TAS1R3: variants seen among roughly 807,000 people sequenced by gnomAD.
TAS1R3 encodes taste receptor type 1 member 3.
Under a neutral mutation model 46.1 loss-of-function variants are expected in TAS1R3, and 58 were observed. The ratio of observed to expected loss-of-function variants is 1.26; its 90% CI spans 1.02 to 1.57. The LOEUF (loss-of-function observed/expected upper bound fraction) is 1.57, where lower values mean the gene tolerates loss of function less well. Ranked by LOEUF, TAS1R3 falls within the 40% of genes most tolerant of loss-of-function variation. TAS1R3 has a pLI of 0.00. For missense variants in TAS1R3, 1,422 were observed against 1,185.8 expected (o/e 1.20, Z -2.93); for synonymous variants, 724 against 544.7 (o/e 1.33, Z -4.58).
At position 1,334,279 on chromosome 1, in the gene TAS1R3, G is replaced by A. The variant is rs778475973; in HGVS notation, c.2374G>A (p.Ala792Thr). Residue 792 changes from alanine to threonine, a missense_variant, in exon 6 of 6, where the codon GCC (alanine) becomes ACC (threonine). Ala to Thr is a moderately conservative substitution (Grantham distance 58). Coordinates refer to ENST00000339381, the MANE Select transcript of TAS1R3 (RefSeq NM_152228.3). Reference protein sequence around the residue: ...LANVQVVLRPAVQMGALLLCV... With the variant: ...LANVQVVLRPTVQMGALLLCV... Reference sequence around the variant, plus strand: ...CAATGTGCAGGTGGTCCTCAGGCCCGCCGTGCAGATGGGCGCCCTCCTGCT... The same window carrying A: ...CAATGTGCAGGTGGTCCTCAGGCCCACCGTGCAGATGGGCGCCCTCCTGCT... 1.4e-5 allele frequency: 23 copies of A among 1,611,572 alleles called. No homozygotes were observed. Among genetic ancestry groups the A allele is most frequent in the Admixed American group, 5.0e-5 (3 of 59,930 alleles).
In TAS1R3 at chr1:1,331,329, TG is replaced by T. The variant is rs1643420630; in HGVS notation, c.-15del. On this transcript the variant is annotated 5_prime_UTR_variant, in exon 1 of 6. Transcript: ENST00000339381. ...CGGGGCAGCCACCTGCCGTGCCTGT[TG>T]GAAGTTGCCTCTGCCATGCTGGGCC... 3 of 1,555,142 alleles carry T rather than the reference TG, an allele frequency of 1.9e-6. No individual in the cohort carries two copies. The highest frequency in any genetic ancestry group is 1.2e-5 in the South Asian group (1 of 83,754).
Position 1,333,599 on chromosome 1 carries a change from G to A in TAS1R3, c.1694G>A (p.Gly565Asp). 1.2e-6 allele frequency: 2 copies of A among 1,609,264 alleles called. No individual in the cohort carries two copies. Among genetic ancestry groups the A allele is most frequent in the Non-Finnish European group, 1.7e-6 (2 of 1,179,938 alleles). Residue 565 changes from glycine to aspartate, a missense_variant, in exon 6 of 6, where the codon GGC (glycine) becomes GAC (aspartate). Transcript: ENST00000339381. The part of the protein sequence containing the change: ...FRRRSRFLAW[G>D]EPAVLLLLLL... Reference sequence around the variant, plus strand: ...CGCAGGTCTCGGTTCCTGGCATGGGGCGAGCCGGCTGTGCTGCTGCTGCTC... The same window carrying A: ...CGCAGGTCTCGGTTCCTGGCATGGGACGAGCCGGCTGTGCTGCTGCTGCTC...
Position 1,333,782 on chromosome 1 carries a change from G to GCCAGC in TAS1R3, c.1885_1889dup (p.Arg632LeufsTer19), listed in dbSNP as rs756977541. 9 of 1,593,588 alleles carry GCCAGC rather than the reference G, an allele frequency of 5.6e-6. No homozygotes were observed. The African/African-American group carries it at 6.7e-5, about 12-fold the overall frequency. On this transcript the variant is annotated frameshift_variant, in exon 6 of 6. Coordinates refer to ENST00000339381, the MANE Select transcript of TAS1R3 (RefSeq NM_152228.3). LOFTEE classifies it low-confidence loss of function (END_TRUNC). ...TGCCTCAGCGTCCTCCTGTTCCCTG[G>GCCAGC]CCAGCCCAGCCCTGCCCGATGCCTG...
In TAS1R3 at chr1:1,334,509, G is replaced by A. The variant is rs202169338; in HGVS notation, c.*45G>A. 710 of 1,454,894 alleles carry A rather than the reference G, an allele frequency of 4.9e-4. No individual in the cohort carries two copies. The highest frequency in any genetic ancestry group is 5.9e-4 in the East Asian group (24 of 40,936). The allele number at this position is 1,454,894 out of a possible 1,614,324, so 90.1% of individuals were successfully genotyped here. A position where few individuals can be genotyped will look rare whatever the true frequency, so the allele number is the denominator to read the frequency against. On this transcript the variant is annotated 3_prime_UTR_variant, in exon 6 of 6. Transcript: ENST00000339381. Reference sequence around the variant, plus strand: ...CCCCGGTGAACCCAGACTTAGCTGCGATCCCCCCCAAGCCAGCAATGACCC... The same window carrying A: ...CCCCGGTGAACCCAGACTTAGCTGCAATCCCCCCCAAGCCAGCAATGACCC...
Position 1,333,851 on chromosome 1 carries a change from GCA to G in TAS1R3, c.1950_1951del (p.Phe652ProfsTer190), listed in dbSNP as rs780822160. ...CACCTCCCGCTCACGGGCTGCCTGA[GCA>G]CACTCTTCCTGCAGGCGGCCGAGAT... On this transcript the variant is annotated frameshift_variant, in exon 6 of 6. Transcript: ENST00000339381. LOFTEE classifies it low-confidence loss of function (END_TRUNC). 6 of 1,600,638 alleles carry G rather than the reference GCA, an allele frequency of 3.7e-6. No homozygotes were observed. The highest frequency in any genetic ancestry group is 5.1e-6 in the Non-Finnish European group (6 of 1,179,786).
Position 1,332,947 on chromosome 1 carries a change from C to A in TAS1R3, c.1302C>A (p.Thr434=). The A allele has an allele frequency of 1.2e-6, 2 of 1,611,538 alleles. No individual in the cohort carries two copies. The highest frequency in any genetic ancestry group is 1.7e-6 in the Non-Finnish European group (2 of 1,179,058). The change falls in exon 4 of 6, where the codon ACC becomes ACA. Residue 434 remains threonine, a synonymous_variant. Coordinates refer to ENST00000339381, the MANE Select transcript of TAS1R3 (RefSeq NM_152228.3). The part of the protein sequence containing the change: ...WQLLENMYNL[T]FHVGGLPLRF... ...TCCTGGAGAACATGTACAACCTGAC[C>A]TTCCACGTGGGCGGGCTGCCGCTGC...
rs1643458224 is a variant in TAS1R3, at chr1:1,332,712, A to G, written c.1181A>G (p.Tyr394Cys). Residue 394 changes from tyrosine to cysteine, a missense_variant, in exon 3 of 6, where the codon TAC (tyrosine) becomes TGC (cysteine). Coordinates refer to ENST00000339381, the MANE Select transcript of TAS1R3 (RefSeq NM_152228.3). ...AATCACCACCAGACGTTCTCTGTCT[A>G]CGCAGCTGTGTATAGCGTGGCCCAG... is the stretch of plus-strand genomic sequence containing the variant. Reference protein sequence around the residue: ...GLNHHQTFSVYAAVYSVAQAL... With the variant: ...GLNHHQTFSVCAAVYSVAQAL... The G allele has an allele frequency of 1.2e-6, 2 of 1,604,296 alleles. No homozygotes were observed. The highest frequency in any genetic ancestry group is 8.5e-7 in the Non-Finnish European group (1 of 1,179,874).
chr1:1,331,755 C>T lies in TAS1R3; in HGVS notation c.309C>T (p.Cys103=), dbSNP rs753541979. The T allele has an allele frequency of 3.1e-6, 5 of 1,612,802 alleles. No individual in the cohort carries two copies. The African/African-American group carries it at 6.7e-5, about 22-fold the overall frequency. ...TGGGCTACGACCTCTTTGATACGTG[C>T]TCGGAGCCTGTGGTGGCCATGAAGC... ...LRLGYDLFDT[C]SEPVVAMKPS... Residue 103 remains cysteine (C), a synonymous_variant, in exon 2 of 6, where the codon TGC becomes TGT. Coordinates refer to ENST00000339381, the MANE Select transcript of TAS1R3 (RefSeq NM_152228.3).
Position 1,332,298 on chromosome 1 carries a change from TGCA to T in TAS1R3, c.769_771del (p.Gln257del). 1 of 1,593,560 alleles carries T rather than the reference TGCA, an allele frequency of 6.3e-7. No homozygotes were observed. Among genetic ancestry groups the T allele is most frequent in the Non-Finnish European group, 8.5e-7 (1 of 1,172,306 alleles). On this transcript the variant is annotated inframe_deletion, in exon 3 of 6. Coordinates refer to ENST00000339381, the MANE Select transcript of TAS1R3 (RefSeq NM_152228.3). ...GCCGATGACTCGCGGCTGGGGAAGG[TGCA>T]GGACGTCCTGCACCAGGTGAACCAG...
In TAS1R3 at chr1:1,333,142, G is replaced by A. The variant is rs778673106; in HGVS notation, c.1479+18G>A. 3.1e-6 allele frequency: 5 copies of A among 1,605,620 alleles called. No individual in the cohort carries two copies. Among genetic ancestry groups the A allele is most frequent in the East Asian group, 4.5e-5 (2 of 44,660 alleles). On this transcript the variant is annotated intron_variant, in intron 4 of 5. Coordinates refer to ENST00000339381, the MANE Select transcript of TAS1R3 (RefSeq NM_152228.3). The stretch of plus-strand genomic sequence containing the variant: ...ACAACCAGGTGAGGTGAGGGTGGGT[G>A]TGCCAGGCGTGCCCGTGGTAGCCCC...
rs749450511 is a variant in TAS1R3, at chr1:1,332,354, G to C, written c.823G>C (p.Ala275Pro). The C allele has an allele frequency of 2.5e-6, 4 of 1,602,880 alleles. No individual in the cohort carries two copies. Among genetic ancestry groups the C allele is most frequent in the South Asian group, 1.1e-5 (1 of 89,950 alleles). ...CAGCGTGCAGGTGGTGCTGCTGTTCGCCTCCGTGCACGCCGCCCACGCCCT... is the reference window on the plus strand; with the variant it reads ...CAGCGTGCAGGTGGTGCTGCTGTTCCCCTCCGTGCACGCCGCCCACGCCCT... ...QSSVQVVLLFASVHAAHALFN... is the reference protein window; with the variant it reads ...QSSVQVVLLFPSVHAAHALFN... The change falls in exon 3 of 6, where the codon GCC becomes CCC. Residue 275 changes from alanine (A) to proline (P), a missense_variant. Coordinates refer to ENST00000339381, the MANE Select transcript of TAS1R3 (RefSeq NM_152228.3).
rs1490172907 is a variant in TAS1R3, at chr1:1,332,389, C to T, written c.858C>T (p.Tyr286=). The part of the protein sequence containing the change: ...SVHAAHALFN[Y]SISSRLSPKV... ...ACGCCGCCCACGCCCTCTTCAACTA[C>T]AGCATCAGCAGCAGGCTCTCGCCCA... The change falls in exon 3 of 6, where the codon TAC becomes TAT. Residue 286 remains tyrosine (Y), a synonymous_variant. Coordinates refer to ENST00000339381, the MANE Select transcript of TAS1R3 (RefSeq NM_152228.3). The T allele has an allele frequency of 6.2e-7, 1 of 1,602,240 alleles. No individual in the cohort carries two copies. The highest frequency in any genetic ancestry group is 8.5e-7 in the Non-Finnish European group (1 of 1,175,634).
Position 1,331,887 on chromosome 1 carries a change from A to G in TAS1R3, c.441A>G (p.Ser147=). ...TGGCTGTCATCGGGCCCCACTCGTC[A>G]GAGCTCGCCATGGTCACCGGCAAGT... ...RVLAVIGPHS[S]ELAMVTGKFF... is the part of the protein sequence containing the mutation. Residue 147 remains serine, a synonymous_variant, in exon 2 of 6, where the codon TCA becomes TCG. Coordinates refer to ENST00000339381, the MANE Select transcript of TAS1R3 (RefSeq NM_152228.3). The G allele has an allele frequency of 6.2e-7, 1 of 1,612,742 alleles. No individual in the cohort carries two copies. Among genetic ancestry groups the G allele is most frequent in the South Asian group, 1.1e-5 (1 of 91,078 alleles).
rs1643486075 is a variant in TAS1R3 at position 1,333,684 on chromosome 1, T to C, written c.1779T>C (p.His593=). The change falls in exon 6 of 6, where the codon CAT becomes CAC. Residue 593 remains histidine (H), a synonymous_variant. Transcript: ENST00000339381. Reference sequence around the variant, plus strand: ...CTGCTTTGGGGCTGTTCGTTCACCATCGGGACAGCCCACTGGTTCAGGCCT... The same window carrying C: ...CTGCTTTGGGGCTGTTCGTTCACCACCGGGACAGCCCACTGGTTCAGGCCT... The part of the protein sequence containing the change: ...VLAALGLFVH[H]RDSPLVQASG... The C allele has an allele frequency of 6.2e-7, 1 of 1,611,738 alleles. No individual in the cohort carries two copies. The highest frequency in any genetic ancestry group is 8.5e-7 in the Non-Finnish European group (1 of 1,179,842).
rs1365509256 is a variant in TAS1R3, at chr1:1,334,229, G to A, written c.2324G>A (p.Trp775Ter). The change falls in exon 6 of 6, where the codon TGG (tryptophan) becomes TAG (stop). Residue 775 changes from tryptophan (W) to a stop codon, truncating the protein, a stop_gained. Coordinates refer to ENST00000339381, the MANE Select transcript of TAS1R3 (RefSeq NM_152228.3). LOFTEE classifies it low-confidence loss of function (END_TRUNC). The stretch of plus-strand genomic sequence containing the variant: ...GCCATGCTGGCCTACTTCATCACCT[G>A]GGTCTCCTTTGTGCCCCTCCTGGCC... ...TFAMLAYFIT[W>*]VSFVPLLANV... is the part of the protein sequence containing the mutation. 1.2e-6 allele frequency: 2 copies of A among 1,610,522 alleles called. No homozygotes were observed.
chr1:1,332,984 A>G lies in TAS1R3; in HGVS notation c.1339A>G (p.Ser447Gly). 1 of 1,612,704 alleles carries G rather than the reference A, an allele frequency of 6.2e-7. No homozygotes were observed. The highest frequency in any genetic ancestry group is 8.5e-7 in the Non-Finnish European group (1 of 1,179,862). Reference protein sequence around the residue: ...VGGLPLRFDSSGNVDMEYDLK... With the variant: ...VGGLPLRFDSGGNVDMEYDLK... ...CGGGCTGCCGCTGCGGTTCGACAGC[A>G]GCGGAAACGTGGACATGGAGTACGA... is the stretch of plus-strand genomic sequence containing the variant. Residue 447 changes from serine to glycine, a missense_variant, in exon 4 of 6, where the codon AGC becomes GGC. By Grantham distance (56) the Ser-to-Gly change is moderately conservative. Coordinates refer to ENST00000339381, the MANE Select transcript of TAS1R3 (RefSeq NM_152228.3).
At position 1,332,988 on chromosome 1, in the gene TAS1R3, G is replaced by C. The variant is rs755284382; in HGVS notation, c.1343G>C (p.Gly448Ala). The C allele has an allele frequency of 1.7e-5, 28 of 1,612,732 alleles. No homozygotes were observed. In the East Asian group the frequency reaches 4.7e-4, roughly 27 times the overall value. Reference protein sequence around the residue: ...GGLPLRFDSSGNVDMEYDLKL... With the variant: ...GGLPLRFDSSANVDMEYDLKL... ...CTGCCGCTGCGGTTCGACAGCAGCG[G>C]AAACGTGGACATGGAGTACGACCTG... Residue 448 changes from glycine to alanine, a missense_variant, in exon 4 of 6, where the codon GGA becomes GCA. Physicochemically the swap from Gly to Ala is moderately conservative, Grantham distance 60. Transcript: ENST00000339381.
rs767794887 is a variant in TAS1R3, at chr1:1,332,174, G to C, written c.643G>C (p.Asp215His). ...GWNWVAALGS[D>H]DEYGRQGLSI... Reference sequence around the variant, plus strand: ...GAACTGGGTGGCCGCCCTGGGCAGCGACGACGAGTACGGCCGGCAGGGCCT... The same window carrying C: ...GAACTGGGTGGCCGCCCTGGGCAGCCACGACGAGTACGGCCGGCAGGGCCT... Residue 215 changes from aspartate (D) to histidine (H), a missense_variant, in exon 3 of 6, where the codon GAC (aspartate) becomes CAC (histidine). By Grantham distance (81) the Asp-to-His change is moderately conservative. Transcript: ENST00000339381. 34 of 1,597,080 alleles carry C rather than the reference G, an allele frequency of 2.1e-5. No homozygotes were observed. The highest frequency in any genetic ancestry group is 1.6e-4 in the Middle Eastern group (1 of 6,074).
rs1348132962 is a variant in TAS1R3, at chr1:1,334,339, C to T, written c.2434C>T (p.Pro812Ser). 1 of 1,611,834 alleles carries T rather than the reference C, an allele frequency of 6.2e-7. No homozygotes were observed. Among genetic ancestry groups the T allele is most frequent in the Non-Finnish European group, 8.5e-7 (1 of 1,179,512 alleles). ...VLGILAAFHL[P>S]RCYLLMRQPG... is the part of the protein sequence containing the mutation. Reference sequence around the variant, plus strand: ...GGGCATCCTGGCTGCCTTCCACCTGCCCAGGTGTTACCTGCTCATGCGGCA... The same window carrying T: ...GGGCATCCTGGCTGCCTTCCACCTGTCCAGGTGTTACCTGCTCATGCGGCA... The change falls in exon 6 of 6, where the codon CCC (proline) becomes TCC (serine). Residue 812 changes from proline (P) to serine (S), a missense_variant. Transcript: ENST00000339381.
Sources: allele counts gnomAD v4.1 joint callset, GRCh38; gene constraint gnomAD v4.1.1; transcripts MANE v1.5; gene names NCBI Gene and HGNC (gene_info 2026-07-23, HGNC 2026-07-21).